The following INPP4B variants were observed in gnomAD, a reference collection of about 807,000 sequenced individuals.
The protein encoded by INPP4B is inositol polyphosphate-4-phosphatase type II B.
In INPP4B, 55 loss-of-function variants were observed where a neutral mutation model predicts 122.5. The ratio of observed to expected loss-of-function variants is 0.45; its 90% CI spans 0.36 to 0.56. INPP4B has a LOEUF of 0.56. INPP4B is among the 20% of genes least tolerant of loss of function. The pLI is 0.00. For missense variants in INPP4B, 1,000 were observed against 1,097.7 expected, an observed-to-expected ratio of 0.91 and a Z score of 1.26; for synonymous variants, 403 against 388.7, an observed-to-expected ratio of 1.04 and a Z score of -0.43.
chr4:142,203,428 C>T (rs1841495284), intron 14 of INPP4B, among the ~76,000 whole-genome samples: 1 of 151,886 alleles, frequency 6.6e-6, no homozygotes, highest in South Asian at 2.1e-4. Context: ...TATTACATTA[C>T]AAGAATTTAT....
At chr4:142,474,233 A>ACT (rs1819434024) in intron 2 of INPP4B, 1 of 152,118 alleles carries the variant, frequency 6.6e-6, no homozygotes. Context: ...TACCTGCCAG[A>ACT]GCTTCCAGTC....
intron 15 of INPP4B, among the ~76,000 whole-genome samples, chr4:142,185,038 C>A (rs747449816): frequency 3.9e-5 from 6 of 152,010 alleles, no homozygotes; most frequent in Non-Finnish European, 7.4e-5. Context: ...GAAGGAAGGA[C>A]GGTAATTAAG....
At chr4:142,524,303 T>C (rs1826530279) in intron 2 of INPP4B, among the ~76,000 whole-genome samples, 1 of 152,072 alleles carries the variant, frequency 6.6e-6, no homozygotes, top group African/African-American at 2.4e-5. Flanking sequence ...TTTCTCCACA[T>C]CCTCTCCAGC....
intron 15 of INPP4B, 142 bp from the exon 16 acceptor site, chr4:142,173,951 T>C: frequency 1.4e-6 from 1 of 709,436 alleles, no homozygotes; most frequent in Non-Finnish European, 2.4e-6. Flanking sequence ...TTTTTAATGA[T>C]GCACTAGCAA....
chr4:142,330,646 A>G (rs1774126110), intron 7 of INPP4B, among the ~76,000 whole-genome samples: 1 of 152,230 alleles, frequency 6.6e-6, no homozygotes, highest in Admixed American at 6.5e-5. Flanking sequence ...CCCTTAAGCC[A>G]TTCAAAAGAT....
intron 2 of INPP4B, among the ~76,000 whole-genome samples, chr4:142,618,367 T>C (rs1365662667): frequency 6.6e-6 from 1 of 152,262 alleles, no homozygotes; most frequent in South Asian, 2.1e-4. Flanking sequence ...AGTATGCTGC[T>C]GGCATAATGA....
At chr4:142,793,207 C>T (rs561922565) in intron 1 of INPP4B, among the ~76,000 whole-genome samples, 1 of 152,030 alleles carries the variant, frequency 6.6e-6, no homozygotes, top group Non-Finnish European at 1.5e-5. Flanking sequence ...AGTGGAACTT[C>T]GTGAAGAAGA....
At chr4:142,775,136 A>G (rs1773662431) in intron 1 of INPP4B, among the ~76,000 whole-genome samples, 1 of 152,086 alleles carries the variant, frequency 6.6e-6, no homozygotes. Flanking sequence ...TATTTTCATC[A>G]TACTGTATCA....
intron 2 of INPP4B, among the ~76,000 whole-genome samples, chr4:142,537,596 C>T (rs942894905): frequency 5.3e-5 from 8 of 151,342 alleles, no homozygotes; most frequent in Middle Eastern, 3.2e-3. Context: ...TCAGAAGTTG[C>T]AACTTTAAGC....
intron 8 of INPP4B, among the ~76,000 whole-genome samples, chr4:142,308,265 A>T (rs1243174137): frequency 6.7e-6 from 1 of 149,800 alleles, no homozygotes; most frequent in Non-Finnish European, 1.5e-5. Context: ...AAAATCTGTT[A>T]AAAATCAATC....
At chr4:142,029,037 T>G in intron 25 of INPP4B, 123 bp from the exon 26 acceptor site, 1 of 1,425,776 alleles carries the variant, frequency 7.0e-7, no homozygotes, top group Non-Finnish European at 9.1e-7. Context: ...CTCTACATTT[T>G]TTTTTTCCAC....
intron 2 of INPP4B, among the ~76,000 whole-genome samples, chr4:142,601,037 C>A (rs1385985403): frequency 1.3e-5 from 2 of 152,074 alleles, no homozygotes; most frequent in Non-Finnish European, 2.9e-5. Flanking sequence ...CTGGGACACC[C>A]AGATTCATAA....
chr4:142,029,511 A>C (rs2152261119), intron 25 of INPP4B: 1 of 985,698 alleles, frequency 1.0e-6, no homozygotes, highest in Admixed American at 6.1e-5. Context: ...TCAAGACACA[A>C]ACAAGACCTT....
At chr4:142,479,344 C>T (rs1408305571) in intron 2 of INPP4B, among the ~76,000 whole-genome samples, 3 of 152,106 alleles carry the variant, frequency 2.0e-5, no homozygotes, top group Non-Finnish European at 2.9e-5. Flanking sequence ...GAAAAGACAA[C>T]ACTTAGACAC....
At chr4:142,473,367 C>T (rs1819226905) in intron 2 of INPP4B, 1 of 152,518 alleles carries the variant, frequency 6.6e-6, no homozygotes, top group African/African-American at 2.4e-5. Context: ...AATGTAGAGT[C>T]AGCAGAACCT....
At chr4:142,247,542 T>G (rs546699075) in intron 11 of INPP4B, among the ~76,000 whole-genome samples, 3 of 152,284 alleles carry the variant, frequency 2.0e-5, no homozygotes, top group East Asian at 1.9e-4. Context: ...GCCCAGGAAT[T>G]TATCCATTTC....
At chr4:142,284,128 C>T (rs1258662444) in intron 9 of INPP4B, among the ~76,000 whole-genome samples, 1 of 151,720 alleles carries the variant, frequency 6.6e-6, no homozygotes, top group Non-Finnish European at 1.5e-5. Flanking sequence ...GAATGAAAAC[C>T]TGATGAGAAT....
rs1027961100 is a variant in INPP4B at position 142,072,155 on chromosome 4, C to T, written c.2642+9876G>A. Reference sequence around the variant, plus strand: ...ATATACACCATGGAATACTATGCAGCCATAAAAAGGATGAGTTCATGTCCT... The same window carrying T: ...ATATACACCATGGAATACTATGCAGTCATAAAAAGGATGAGTTCATGTCCT... On this transcript the variant is annotated intron_variant, in intron 25 of 25. Coordinates refer to ENST00000262992, the MANE Select transcript of INPP4B (RefSeq NM_001101669.3). Among the ~76,000 whole-genome samples, 2 of 152,034 alleles carry T rather than the reference C, an allele frequency of 1.3e-5. 1 individual carries two copies. The highest frequency in any genetic ancestry group is 2.9e-5 in the Non-Finnish European group (2 of 68,016).
chr4:142,718,969 T>C (rs150981740), intron 2 of INPP4B, among the ~76,000 whole-genome samples: 227 of 152,318 alleles, frequency 1.5e-3, no homozygotes, highest in African/African-American at 5.4e-3. Context: ...ACTAAAAAAA[T>C]CTTAAACATG....
Sources: allele counts gnomAD v4.1 joint callset (sites outside exome capture counted in the v4.1 genomes callset), GRCh38; gene constraint gnomAD v4.1.1; transcripts MANE v1.5; gene names NCBI Gene and HGNC (gene_info 2026-07-23, HGNC 2026-07-21).